KAZN: variants seen among roughly 807,000 people sequenced by gnomAD.
The protein encoded by KAZN is kazrin, periplakin interacting protein.
A neutral mutation model predicts 87.4 loss-of-function variants in KAZN; 40 were observed. The observed-to-expected ratio is 0.46, with a 90% CI of 0.36 to 0.60. The LOEUF (loss-of-function observed/expected upper bound fraction) is 0.60. Ranked by LOEUF, KAZN falls within the 20% of genes least tolerant of loss-of-function variation. KAZN has a pLI of 0.00. For synonymous variants in KAZN, 466 were observed against 458.3 expected, an observed-to-expected ratio of 1.02 and a Z score of -0.22; for missense variants, 898 against 1,073.9, an observed-to-expected ratio of 0.84 and a Z score of 2.29.
At chr1:14,673,762 G>T (rs749117295) in intron 1 of KAZN, among the ~76,000 whole-genome samples, 1 of 152,150 alleles carries the variant, frequency 6.6e-6, no homozygotes, top group Non-Finnish European at 1.5e-5. Context: ...AATTCTTGGC[G>T]CCGGTCAACC....
intron 2 of KAZN, among the ~76,000 whole-genome samples, chr1:15,009,818 A>G (rs772138744): frequency 5.3e-5 from 8 of 152,180 alleles, no homozygotes; most frequent in Non-Finnish European, 8.8e-5. Flanking sequence ...TCATCAACCC[A>G]TGGCCAATTC....
chr1:14,173,507 C>G (rs7556663), intron 1 of KAZN, among the ~76,000 whole-genome samples: 18,669 of 152,050 alleles, frequency 0.12, 1,267 homozygotes, highest in East Asian at 0.33. Context: ...TCTACCAATC[C>G]CAATTGAAAA....
chr1:14,511,716 T>A (rs1670915549), intron 2 of KAZN, among the ~76,000 whole-genome samples: 1 of 152,180 alleles, frequency 6.6e-6, no homozygotes, highest in African/African-American at 2.4e-5. Context: ...AGTGATTATG[T>A]TATTATATGT....
chr1:14,317,907 C>T (rs1655771069), intron 2 of KAZN, among the ~76,000 whole-genome samples: 1 of 151,908 alleles, frequency 6.6e-6, no homozygotes, highest in Admixed American at 6.6e-5. Flanking sequence ...TTTTAGGGGG[C>T]TGTGGTTTAC....
At chr1:14,447,148 G>T (rs1667024502) in intron 2 of KAZN, among the ~76,000 whole-genome samples, 1 of 151,260 alleles carries the variant, frequency 6.6e-6, no homozygotes, top group African/African-American at 2.4e-5. Context: ...AGAGCCTCTG[G>T]TATCCTAGTG....
At chr1:14,246,902 T>C (rs1345700415) in intron 2 of KAZN, among the ~76,000 whole-genome samples, 1 of 152,168 alleles carries the variant, frequency 6.6e-6, no homozygotes, top group East Asian at 1.9e-4. Flanking sequence ...TCTCTAGAAG[T>C]GTGATTTCTG....
chr1:14,428,558 TC>T (rs756637966), intron 2 of KAZN, among the ~76,000 whole-genome samples: 3 of 152,220 alleles, frequency 2.0e-5, no homozygotes, highest in Non-Finnish European at 4.4e-5. Context: ...ATTAGTCCAT[TC>T]TTGTGCTGCT....
At chr1:13,940,614 A>G (rs1640893637) in intron 1 of KAZN, among the ~76,000 whole-genome samples, 1 of 152,242 alleles carries the variant, frequency 6.6e-6, no homozygotes, top group Non-Finnish European at 1.5e-5. Context: ...TGACAACTCT[A>G]GAGTTGAAAA....
rs547576583 is a variant in KAZN at position 14,032,278 on chromosome 1, A to G, written c.91+138522A>G. Among the ~76,000 whole-genome samples, 4 of 152,350 alleles carry G rather than the reference A, an allele frequency of 2.6e-5. No homozygotes were observed. The South Asian group carries it at 8.3e-4, about 32-fold the overall frequency. ...ATGCATTAACAAACTTAACTTTGAC[A>G]TCAACCAACACTGTGAGGTCGGTAG... On this transcript the variant is annotated intron_variant, in intron 1 of 16. Transcript: ENST00000636203.
intron 1 of KAZN, among the ~76,000 whole-genome samples, chr1:13,910,669 C>T (rs1471229703): frequency 1.3e-5 from 2 of 152,016 alleles, no homozygotes; most frequent in Non-Finnish European, 2.9e-5. Flanking sequence ...CCTACAGAAC[C>T]GTAGCCAATT....
intron 2 of KAZN, among the ~76,000 whole-genome samples, chr1:14,446,970 A>T (rs1667016762): frequency 6.6e-6 from 1 of 152,152 alleles, no homozygotes; most frequent in African/African-American, 2.4e-5. Flanking sequence ...TAGGGATGTT[A>T]CATGATGCTG....
At chr1:14,976,486 C>T (rs979429662) in intron 2 of KAZN, among the ~76,000 whole-genome samples, 1 of 152,232 alleles carries the variant, frequency 6.6e-6, no homozygotes, top group Admixed American at 6.5e-5. Context: ...CGACCCAGAA[C>T]ATGGTTCAGA....
At chr1:13,923,502 G>A (rs1054265351) in intron 1 of KAZN, among the ~76,000 whole-genome samples, 13 of 150,876 alleles carry the variant, frequency 8.6e-5, no homozygotes, top group East Asian at 2.0e-4. Flanking sequence ...GAACCCGGGA[G>A]GCGGAGCTTG....
chr1:14,398,954 A>AT (rs1166414122), intron 2 of KAZN, among the ~76,000 whole-genome samples: 1 of 151,978 alleles, frequency 6.6e-6, no homozygotes. Flanking sequence ...ACTGCCACCG[A>AT]TCCCCTGAAT....
At chr1:14,134,015 A>G (rs961744574) in intron 1 of KAZN, among the ~76,000 whole-genome samples, 5 of 152,234 alleles carry the variant, frequency 3.3e-5, no homozygotes, top group Non-Finnish European at 4.4e-5. Flanking sequence ...TAACACATTC[A>G]TGACATTAAG....
At position 15,099,796 on chromosome 1, in the gene KAZN, G is replaced by A. The variant is rs1433811120; in HGVS notation, c.1548-1747G>A. Among the ~76,000 whole-genome samples, 2 of 152,194 alleles carry A rather than the reference G, an allele frequency of 1.3e-5. No homozygotes were observed. Among genetic ancestry groups the A allele is most frequent in the East Asian group, 3.9e-4 (2 of 5,194 alleles). ...GCGGAATAGAAGGGAAGCAAAGGCA[G>A]GAAACGGGGAGCAGCCGGGGAAAGT... is the stretch of plus-strand genomic sequence containing the variant. On this transcript the variant is annotated intron_variant, in intron 10 of 14. Transcript: ENST00000376030. The surrounding 1 kb of genome is among the most constrained non-coding windows in gnomAD (Gnocchi z 5.4).
At chr1:13,921,739 C>T (rs1640075670) in intron 1 of KAZN, among the ~76,000 whole-genome samples, 1 of 152,100 alleles carries the variant, frequency 6.6e-6, no homozygotes, top group African/African-American at 2.4e-5. Context: ...CATTCTCCTG[C>T]CTCAGCCTCC....
intron 1 of KAZN, among the ~76,000 whole-genome samples, chr1:13,943,454 T>G (rs1287925944): frequency 6.6e-6 from 1 of 151,662 alleles, no homozygotes; most frequent in Non-Finnish European, 1.5e-5. Flanking sequence ...TAAAAAAAAT[T>G]TTTTAAAAAA....
chr1:14,749,807 G>T (rs895586057), intron 1 of KAZN, among the ~76,000 whole-genome samples: 1 of 152,108 alleles, frequency 6.6e-6, no homozygotes, highest in Non-Finnish European at 1.5e-5. Context: ...AAGGGGTCTT[G>T]GGAGTCGTAT....
Sources: allele counts gnomAD v4.1 joint callset (sites outside exome capture counted in the v4.1 genomes callset), GRCh38; gene constraint gnomAD v4.1.1; non-coding constraint Gnocchi (gnomAD v3.1); transcripts MANE v1.5; gene names NCBI Gene and HGNC (gene_info 2026-07-23, HGNC 2026-07-21).